The following PSMA5 variants were observed in gnomAD, a reference collection of about 807,000 sequenced individuals.
PSMA5 encodes the protein proteasome subunit alpha type-5.
Under a neutral mutation model 34.5 loss-of-function variants are expected in PSMA5, and 3 were observed. The ratio of observed to expected loss-of-function variants is 0.09; its 90% CI spans 0.04 to 0.22. The LOEUF (loss-of-function observed/expected upper bound fraction) is 0.22. PSMA5 is among the 10% of genes least tolerant of loss of function. The pLI, the probability that PSMA5 is intolerant of heterozygous loss-of-function variation, is 1.00. For synonymous variants in PSMA5, 88 were observed against 95.8 expected (o/e 0.92, Z 0.47); for missense variants, 120 against 286.1 (o/e 0.42, Z 4.19).
intron 3 of PSMA5, 47 bp downstream of exon 3, chr1:109,415,190 A>T: frequency 6.3e-7 from 1 of 1,584,954 alleles, no homozygotes; most frequent in Admixed American, 1.7e-5. Context: ...TAGAGGACTA[A>T]TTAACCCAGA....
At chr1:109,402,164 G>T in intron 8 of PSMA5, 74 bp from the exon 9 acceptor site, 1 of 1,108,276 alleles carries the variant, frequency 9.0e-7, no homozygotes, top group South Asian at 1.4e-5. Context: ...GTCAGGAGAA[G>T]CTGTGTTGGT....
Position 109,399,298 on chromosome 1 carries a change from A to C in PSMA5, c.*2715T>G, listed in dbSNP as rs1443528480. The C allele has an allele frequency of 6.6e-6, 1 of 152,214 alleles. No homozygotes were observed. Among genetic ancestry groups the C allele is most frequent in the East Asian group, 1.9e-4 (1 of 5,202 alleles). The allele number at this position is 152,214 out of a possible 1,614,324, so 9.4% of individuals were successfully genotyped here. ...GTCTTTTTAAGTTCTCAGTTACTGG[A>C]CTGAAAAGATAAAGCTGATGAAAAT... On this transcript the variant is annotated 3_prime_UTR_variant, in exon 9 of 9. Transcript: ENST00000271308.
At position 109,415,288 on chromosome 1, in the gene PSMA5, G is replaced by A. The variant is rs768224320; in HGVS notation, c.172C>T (p.Leu58=). 1 of 1,613,922 alleles carries A rather than the reference G, an allele frequency of 6.2e-7. No homozygotes were observed. Among genetic ancestry groups the A allele is most frequent in the East Asian group, 2.2e-5 (1 of 44,890 alleles). Residue 58 remains leucine (L), a synonymous_variant, in exon 3 of 9, where the codon CTG becomes TTG. Coordinates refer to ENST00000271308, the MANE Select transcript of PSMA5 (RefSeq NM_002790.4). The part of the protein sequence containing the change: ...LAVEKRITSP[L]MEPSSIEKIV... ...TTCTCAATGCTGCTGGGCTCCATCA[G>A]TGGGGAAGTAATTCTCTTCTCCACA...
At chr1:109,410,073 A>T (rs1333684941) in intron 7 of PSMA5, 59 bp from the exon 8 acceptor site, 1 of 1,153,592 alleles carries the variant, frequency 8.7e-7, no homozygotes. Flanking sequence ...TCCTTCCTTC[A>T]AAGATTTTCC....
chr1:109,417,359 G>C (rs369974776), intron 2 of PSMA5, among the ~76,000 whole-genome samples: 1 of 152,134 alleles, frequency 6.6e-6, no homozygotes, highest in Non-Finnish European at 1.5e-5. Context: ...GAAACAACCT[G>C]ATTTTTATCA....
intron 8 of PSMA5, among the ~76,000 whole-genome samples, chr1:109,406,243 T>C (rs187827435): frequency 6.6e-6 from 1 of 152,080 alleles, no homozygotes; most frequent in East Asian, 1.9e-4. Flanking sequence ...CTGAAACAAA[T>C]AGTAGTGATT....
At chr1:109,425,056 C>A (rs969529594) in intron 1 of PSMA5, among the ~76,000 whole-genome samples, 7 of 152,208 alleles carry the variant, frequency 4.6e-5, no homozygotes, top group African/African-American at 1.7e-4. Flanking sequence ...CCAGCCTGGG[C>A]CACAGAGCGA....
chr1:109,417,893 C>T (rs1654279447), intron 2 of PSMA5, among the ~76,000 whole-genome samples: 1 of 152,070 alleles, frequency 6.6e-6, no homozygotes, highest in Admixed American at 6.5e-5. Context: ...CTACTATGGG[C>T]AAGGCATTTT....
chr1:109,421,469 A>AAAAAAAAAGAAAG, intron 2 of PSMA5, among the ~76,000 whole-genome samples: 1 of 150,708 alleles, frequency 6.6e-6, no homozygotes, highest in African/African-American at 2.5e-5. Flanking sequence ...TCTCAAAAAA[A>AAAAAAAAAGAAAG]AAAAAAAAGA....
chr1:109,424,182 T>C (rs990535627), intron 1 of PSMA5, among the ~76,000 whole-genome samples: 1 of 152,250 alleles, frequency 6.6e-6, no homozygotes, highest in East Asian at 1.9e-4. Context: ...AAGTTTTCCA[T>C]GATCGTCTCA....
At chr1:109,416,662 G>A (rs906222262) in intron 2 of PSMA5, among the ~76,000 whole-genome samples, 1 of 152,120 alleles carries the variant, frequency 6.6e-6, no homozygotes, top group African/African-American at 2.4e-5. Flanking sequence ...CATTTCACAC[G>A]CATATATATT....
intron 2 of PSMA5, among the ~76,000 whole-genome samples, chr1:109,419,336 G>C (rs780428477): frequency 6.6e-6 from 1 of 152,112 alleles, no homozygotes; most frequent in Admixed American, 6.5e-5. Flanking sequence ...AGAACAACCA[G>C]TCCAGACTGG....
chr1:109,426,427 G>A lies in PSMA5; in HGVS notation c.-97C>T. On this transcript the variant is annotated 5_prime_UTR_variant, in exon 1 of 9. Transcript: ENST00000271308. ...CACCGGCAGCCAACTCACCCACACGGCCGCAGTACTAAGGACCAACTGCGC... is the reference window on the plus strand; with the variant it reads ...CACCGGCAGCCAACTCACCCACACGACCGCAGTACTAAGGACCAACTGCGC... 1 of 1,485,416 alleles carries A rather than the reference G, an allele frequency of 6.7e-7. No homozygotes were observed. Among genetic ancestry groups the A allele is most frequent in the South Asian group, 1.1e-5 (1 of 88,448 alleles). The allele number at this position is 1,485,416 out of a possible 1,614,324, so 92.0% of individuals were successfully genotyped here.
chr1:109,424,047 T>C (rs528512879), intron 1 of PSMA5, among the ~76,000 whole-genome samples: 11 of 152,208 alleles, frequency 7.2e-5, no homozygotes, highest in Non-Finnish European at 1.3e-4. Context: ...CCAAAATGTA[T>C]TGTGCTTTTC....
intron 8 of PSMA5, among the ~76,000 whole-genome samples, chr1:109,404,756 A>G (rs991133253): frequency 2.0e-5 from 3 of 152,250 alleles, no homozygotes; most frequent in Non-Finnish European, 4.4e-5. Flanking sequence ...TATTTCACCA[A>G]TAATTAATTA....
intron 8 of PSMA5, among the ~76,000 whole-genome samples, chr1:109,405,124 A>G (rs1457634833): frequency 6.6e-6 from 1 of 152,236 alleles, no homozygotes; most frequent in African/African-American, 2.4e-5. Flanking sequence ...AAGGAGAGGG[A>G]GTAGGGGGTC....
At chr1:109,426,223 G>T (rs370425295) in intron 1 of PSMA5, 79 bp downstream of exon 1, 9 of 1,576,678 alleles carry the variant, frequency 5.7e-6, no homozygotes, top group Non-Finnish European at 7.9e-6. Context: ...CCCATGACAC[G>T]GCAGAACCCA....
intron 8 of PSMA5, among the ~76,000 whole-genome samples, chr1:109,403,812 A>T (rs897268623): frequency 6.6e-6 from 1 of 152,158 alleles, no homozygotes; most frequent in African/African-American, 2.4e-5. Flanking sequence ...GACTGCTGCA[A>T]GTCTTAAGAC....
chr1:109,409,235 C>T lies in PSMA5; in HGVS notation c.648+693G>A, dbSNP rs1653903334. On this transcript the variant is annotated intron_variant, in intron 8 of 8. Coordinates refer to ENST00000271308, the MANE Select transcript of PSMA5 (RefSeq NM_002790.4). ...GCAGTATCACAATCTCAGCTCACTG[C>T]AACTTCCAAATCCTGGGTTCAATCA... 1.3e-5 allele frequency among the ~76,000 whole-genome samples: 2 copies of T among 152,194 alleles called. 1 individual carries two copies. Among genetic ancestry groups the T allele is most frequent in the Admixed American group, 1.3e-4 (2 of 15,286 alleles).
Sources: gnomAD v4.1 joint callset for allele counts (sites outside exome capture counted in the v4.1 genomes callset) on GRCh38, gnomAD v4.1.1 for gene constraint, MANE v1.5 for transcripts, NCBI Gene and HGNC (gene_info 2026-07-23, HGNC 2026-07-21) for gene names.